The following RALYL variants were observed in gnomAD, a reference collection of about 807,000 sequenced individuals.
RALYL encodes RALY RNA binding protein like, also known as RNA-binding Raly-like protein.
A neutral mutation model predicts 35.1 loss-of-function variants in RALYL; 29 were observed. That is an observed-to-expected ratio of 0.83 (90% CI 0.61 to 1.13). The LOEUF (loss-of-function observed/expected upper bound fraction) is 1.13. Among genes scored for constraint, RALYL ranks in the 50% most tolerant of loss-of-function variants. The pLI, the probability that RALYL is intolerant of heterozygous loss-of-function variation, is 0.00. For synonymous variants in RALYL, 120 were observed against 127.6 expected (o/e 0.94, Z 0.40); for missense variants, 359 against 360.4 (o/e 1.00, Z 0.03).
chr8:84,438,354 T>C (rs764315208), intron 1 of RALYL, among the ~76,000 whole-genome samples: 22 of 151,364 alleles, frequency 1.5e-4, no homozygotes, highest in Non-Finnish European at 2.8e-4. Flanking sequence ...AGGATTGTGT[T>C]TTCTAGGTTT....
chr8:84,765,850 A>G (rs1199431503), intron 2 of RALYL, among the ~76,000 whole-genome samples: 1 of 151,404 alleles, frequency 6.6e-6, no homozygotes, highest in Non-Finnish European at 1.5e-5. Context: ...AAAAAAAAAA[A>G]CCCTAAGAAT....
chr8:84,705,790 G>A lies in RALYL; in HGVS notation c.257-68789G>A, dbSNP rs1841097192. 7 of 695,062 alleles carry A rather than the reference G, an allele frequency of 1.0e-5. No homozygotes were observed. In the South Asian group the frequency reaches 1.8e-4, roughly 18 times the overall value. The allele number at this position is 695,062 out of a possible 1,614,324, so 43.1% of individuals were successfully genotyped here. A position where few individuals can be genotyped will look rare whatever the true frequency, so the allele number is the denominator to read the frequency against. Reference sequence around the variant, plus strand: ...AGAACTTAACTGCTATAGGATCGGGGGAGGTGAAGGAAATACAATTTTCCC... The same window carrying A: ...AGAACTTAACTGCTATAGGATCGGGAGAGGTGAAGGAAATACAATTTTCCC... On this transcript the variant is annotated intron_variant, in intron 2 of 8. Coordinates refer to ENST00000521268, the MANE Select transcript of RALYL (RefSeq NM_173848.7).
intron 1 of RALYL, among the ~76,000 whole-genome samples, chr8:84,439,080 G>A (rs1168044093): frequency 3.3e-5 from 5 of 151,864 alleles, no homozygotes; most frequent in African/African-American, 1.2e-4. Context: ...GCTCTTTTAT[G>A]TTTCCACGTT....
chr8:84,476,260 T>C (rs983927790), intron 1 of RALYL, among the ~76,000 whole-genome samples: 4 of 152,178 alleles, frequency 2.6e-5, no homozygotes, highest in Non-Finnish European at 5.9e-5. Context: ...TCCAATTCAT[T>C]ATATCTATAT....
chr8:84,524,612 C>CA (rs1481539038), intron 1 of RALYL, among the ~76,000 whole-genome samples: 1 of 151,828 alleles, frequency 6.6e-6, no homozygotes, highest in South Asian at 2.1e-4. Flanking sequence ...TTGTCTGCTC[C>CA]AAAAAAATAT....
chr8:84,802,193 T>C (rs1313247820), intron 3 of RALYL, among the ~76,000 whole-genome samples: 1 of 152,202 alleles, frequency 6.6e-6, no homozygotes, highest in African/African-American at 2.4e-5. Context: ...GTAAGCTTTA[T>C]TTACGGACAC....
At chr8:84,576,745 T>G (rs1207498344) in intron 2 of RALYL, among the ~76,000 whole-genome samples, 3 of 152,214 alleles carry the variant, frequency 2.0e-5, no homozygotes, top group African/African-American at 7.2e-5. Context: ...AGACAAAATC[T>G]GACATATAGT....
At chr8:84,485,959 A>G (rs920330663) in intron 1 of RALYL, among the ~76,000 whole-genome samples, 1 of 146,928 alleles carries the variant, frequency 6.8e-6, no homozygotes, top group Non-Finnish European at 1.5e-5. Flanking sequence ...TCTTCATTCT[A>G]TTATGTAAGT....
intron 3 of RALYL, among the ~76,000 whole-genome samples, chr8:84,802,908 G>A (rs555817358): frequency 2.0e-5 from 3 of 152,248 alleles, no homozygotes; most frequent in Non-Finnish European, 2.9e-5. Context: ...TGCAGAGGGG[G>A]ACATGAGAGT....
At chr8:84,426,471 T>TGG (rs941642595) in intron 1 of RALYL, among the ~76,000 whole-genome samples, 1 of 147,608 alleles carries the variant, frequency 6.8e-6, no homozygotes, top group African/African-American at 2.4e-5. Context: ...TGTGTGTGTG[T>TGG]GTGGGTTTAG....
intron 4 of RALYL, among the ~76,000 whole-genome samples, chr8:84,816,121 T>TAAAACCAGTCTTGCCTTG (rs2134170615): frequency 6.6e-6 from 1 of 152,208 alleles, no homozygotes; most frequent in East Asian, 1.9e-4. Context: ...AATCTTAGTT[T>TAAAACCAGTCTTGCCTTG]AAAACCAGTC....
intron 8 of RALYL, among the ~76,000 whole-genome samples, chr8:84,898,735 G>A (rs1563831709): frequency 1.3e-5 from 2 of 152,164 alleles, no homozygotes; most frequent in Admixed American, 6.5e-5. Context: ...GGGTAAGGGT[G>A]AGGGTCAGGG....
chr8:84,650,467 A>G (rs574208269), intron 2 of RALYL, among the ~76,000 whole-genome samples: 101 of 152,272 alleles, frequency 6.6e-4, no homozygotes, highest in Non-Finnish European at 1.3e-3. Flanking sequence ...AAACACATGA[A>G]AAAATGCTCA....
chr8:84,489,335 G>T (rs6473553), intron 1 of RALYL, among the ~76,000 whole-genome samples: 55,571 of 151,570 alleles, frequency 0.37, 10,263 homozygotes, highest in South Asian at 0.52. Context: ...ATTTATTGAT[G>T]TTAACAAAAG....
At chr8:84,277,784 T>G (rs1363464987) in intron 1 of RALYL, among the ~76,000 whole-genome samples, 1 of 152,248 alleles carries the variant, frequency 6.6e-6, no homozygotes, top group Non-Finnish European at 1.5e-5. Context: ...CTCCTTTGAC[T>G]GCATGTCTCA....
chr8:84,782,251 T>C (rs1818363396), intron 3 of RALYL, among the ~76,000 whole-genome samples: 1 of 152,170 alleles, frequency 6.6e-6, no homozygotes, highest in African/African-American at 2.4e-5. Flanking sequence ...CACAGCTGCA[T>C]ACTTGGAGGA....
At chr8:84,558,155 T>C (rs1195905077) in intron 2 of RALYL, among the ~76,000 whole-genome samples, 3 of 152,190 alleles carry the variant, frequency 2.0e-5, no homozygotes, top group Admixed American at 6.6e-5. Flanking sequence ...ATAAATATAA[T>C]TTAAGTCAAC....
chr8:84,250,887 C>T (rs1450117174), intron 1 of RALYL, among the ~76,000 whole-genome samples: 1 of 152,084 alleles, frequency 6.6e-6, no homozygotes, highest in African/African-American at 2.4e-5. Context: ...AGTAAGTATT[C>T]TAAAAGTTAT....
intron 1 of RALYL, among the ~76,000 whole-genome samples, chr8:84,496,779 C>T (rs1426429016): frequency 1.3e-5 from 2 of 152,062 alleles, no homozygotes; most frequent in Non-Finnish European, 2.9e-5. Flanking sequence ...CTTCAAACCA[C>T]AGTCAGTGAT....
Sources: allele counts gnomAD v4.1 joint callset (sites outside exome capture counted in the v4.1 genomes callset), GRCh38; gene constraint gnomAD v4.1.1; transcripts MANE v1.5; gene names NCBI Gene and HGNC (gene_info 2026-07-23, HGNC 2026-07-21).